Variants in SCARA5 observed in about 807,000 individuals in gnomAD.
SCARA5 encodes the protein scavenger receptor class A, member 5 (putative).
SCARA5 carries 45 observed loss-of-function variants against 46.3 expected under a neutral mutation model. The observed-to-expected ratio is 0.97, with a 90% CI of 0.76 to 1.24. The LOEUF is 1.24. Ranked by LOEUF, SCARA5 falls within the 50% of genes most tolerant of loss-of-function variation. The pLI is 0.00. For missense variants in SCARA5, 680 were observed against 689.0 expected (o/e 0.99, Z 0.15); for synonymous variants, 333 against 306.5 (o/e 1.09, Z -0.90).
chr8:27,978,621 G>A (rs989080875), intron 2 of SCARA5, among the ~76,000 whole-genome samples: 1 of 150,184 alleles, frequency 6.7e-6, no homozygotes, highest in Non-Finnish European at 1.5e-5. Flanking sequence ...GAGATCCTCT[G>A]GCCTCAGCCT....
At chr8:27,968,482 G>T (rs11786033) in intron 2 of SCARA5, among the ~76,000 whole-genome samples, 28,724 of 151,974 alleles carry the variant, frequency 0.19, 2,895 homozygotes, top group East Asian at 0.42. Context: ...CTCTACAAAG[G>T]GTTTTGCTCC....
At chr8:27,909,514 C>T (rs1026069098) in intron 5 of SCARA5, 149 bp downstream of exon 5, 12 of 588,610 alleles carry the variant, frequency 2.0e-5, no homozygotes, top group African/African-American at 1.7e-4. Flanking sequence ...CACCAGCAAC[C>T]TCTTAGTCTC....
intron 3 of SCARA5, among the ~76,000 whole-genome samples, chr8:27,950,436 G>A (rs1224619339): frequency 1.3e-5 from 2 of 151,860 alleles, no homozygotes; most frequent in African/African-American, 4.8e-5. Context: ...AGCCTGCACG[G>A]CCAACTCTAA....
At chr8:27,957,545 G>A (rs1169095910) in intron 3 of SCARA5, among the ~76,000 whole-genome samples, 1 of 152,174 alleles carries the variant, frequency 6.6e-6, no homozygotes, top group Non-Finnish European at 1.5e-5. Context: ...TTTGTACCCT[G>A]GCAGTCTGAC....
At chr8:27,965,080 G>T (rs1320562658) in intron 3 of SCARA5, among the ~76,000 whole-genome samples, 1 of 152,136 alleles carries the variant, frequency 6.6e-6, no homozygotes, top group Non-Finnish European at 1.5e-5. Flanking sequence ...GATGAATAAT[G>T]AGGTTCTCTC....
In SCARA5 at chr8:27,992,640, G is replaced by A. The variant is rs1466500209; in HGVS notation, c.-399C>T. The A allele has an allele frequency of 2.0e-5, 3 of 152,308 alleles. No individual in the cohort carries two copies. The highest frequency in any genetic ancestry group is 4.4e-5 in the Non-Finnish European group (3 of 68,104). The allele number at this position is 152,308 out of a possible 1,614,324, so 9.4% of individuals were successfully genotyped here. A position where few individuals can be genotyped will look rare whatever the true frequency, so the allele number is the denominator to read the frequency against. On this transcript the variant is annotated 5_prime_UTR_variant, in exon 1 of 9. Transcript: ENST00000354914. ...AGCTCCTCTAGGTACTGCCTGAGAT[G>A]CGAACTGCAGCTGCTCTCGCCGCCA...
At chr8:27,891,251 G>A (rs1563514264) in intron 7 of SCARA5, among the ~76,000 whole-genome samples, 1 of 151,112 alleles carries the variant, frequency 6.6e-6, no homozygotes, top group Non-Finnish European at 1.5e-5. Context: ...TGTCATCCAG[G>A]CTGGAGTGCA....
chr8:27,942,629 C>T (rs371872845), intron 3 of SCARA5, among the ~76,000 whole-genome samples: 65 of 152,232 alleles, frequency 4.3e-4, no homozygotes, highest in African/African-American at 1.5e-3. Context: ...TGAGCACCTG[C>T]GTCCACTTCC....
intron 3 of SCARA5, among the ~76,000 whole-genome samples, chr8:27,930,577 T>A (rs1331821684): frequency 6.6e-6 from 1 of 152,104 alleles, no homozygotes; most frequent in Non-Finnish European, 1.5e-5. Flanking sequence ...TAATTTTGTA[T>A]TTTTAGTAGA....
intron 1 of SCARA5, among the ~76,000 whole-genome samples, 180 bp downstream of exon 1, chr8:27,992,077 G>C (rs1002674226): frequency 2.0e-5 from 3 of 152,120 alleles, no homozygotes; most frequent in African/African-American, 4.8e-5. Flanking sequence ...ATGAGGGCCC[G>C]GCAGATATCT....
intron 7 of SCARA5, among the ~76,000 whole-genome samples, chr8:27,899,343 G>C (rs1807113968): frequency 6.6e-6 from 1 of 152,174 alleles, no homozygotes; most frequent in Admixed American, 6.5e-5. Context: ...GTGAGCAGGG[G>C]AAATGAATCT....
At chr8:27,955,695 C>T (rs1402016889) in intron 3 of SCARA5, among the ~76,000 whole-genome samples, 3 of 152,238 alleles carry the variant, frequency 2.0e-5, no homozygotes, top group African/African-American at 7.2e-5. Flanking sequence ...CTTCTGCCTC[C>T]CCCTTTTCCC....
In SCARA5 at chr8:27,904,468, T is replaced by C. The variant is rs1440868099; in HGVS notation, c.1153+310A>G. On this transcript the variant is annotated intron_variant, in intron 7 of 8. Coordinates refer to ENST00000354914, the MANE Select transcript of SCARA5 (RefSeq NM_173833.6). ...AAGGTAAAGACTCCTGTTATCCCTA[T>C]TTTATAGATGAGAACACTGAGGCAC... is the stretch of plus-strand genomic sequence containing the variant. The C allele has an allele frequency of 5.8e-6, 3 of 515,530 alleles. No homozygotes were observed. In the Admixed American group the frequency reaches 9.4e-5, roughly 16 times the overall value. The allele number at this position is 515,530 out of a possible 1,614,324, so 31.9% of individuals were successfully genotyped here.
rs1446501399 is a variant in SCARA5, at chr8:27,966,548, C to A, written c.113-6G>T. 6.2e-7 allele frequency: 1 copy of A among 1,602,286 alleles called. No individual in the cohort carries two copies. Among genetic ancestry groups the A allele is most frequent in the Non-Finnish European group, 8.5e-7 (1 of 1,176,810 alleles). On this transcript the variant is annotated splice_region_variant and splice_polypyrimidine_tract_variant and intron_variant, in intron 2 of 8. Transcript: ENST00000354914. ...CCGCCGTTTGTGACATGGACCTGGA[C>A]AATAAGGGTAAGAGGAGGAAGGAAA...
chr8:27,937,447 G>A (rs377748350), intron 3 of SCARA5, among the ~76,000 whole-genome samples: 23 of 152,284 alleles, frequency 1.5e-4, no homozygotes, highest in African/African-American at 5.3e-4. Context: ...GGGGGCATGA[G>A]GCCCCAGTTG....
intron 2 of SCARA5, among the ~76,000 whole-genome samples, chr8:27,977,618 C>T (rs1379313071): frequency 4.6e-5 from 7 of 152,212 alleles, no homozygotes; most frequent in Non-Finnish European, 1.0e-4. Context: ...CCTTCTAGAA[C>T]TTTCCCTCTC....
intron 7 of SCARA5, 173 bp downstream of exon 7, chr8:27,904,605 A>G (rs1289634728): frequency 1.4e-6 from 1 of 712,274 alleles, no homozygotes. Flanking sequence ...CCTGGGGTCT[A>G]TCAGCATCTC....
At chr8:27,983,194 C>T (rs1428699343) in intron 2 of SCARA5, among the ~76,000 whole-genome samples, 4 of 152,206 alleles carry the variant, frequency 2.6e-5, no homozygotes, top group African/African-American at 9.7e-5. Context: ...GCTACCTTGT[C>T]CAATGGGTGA....
intron 7 of SCARA5, 26 bp downstream of exon 7, chr8:27,904,752 C>T: frequency 1.9e-6 from 3 of 1,606,296 alleles, no homozygotes; most frequent in Non-Finnish European, 2.6e-6. Flanking sequence ...ACACCATATC[C>T]CACGGCCCCA....
Sources: allele counts gnomAD v4.1 joint callset (sites outside exome capture counted in the v4.1 genomes callset), GRCh38; gene constraint gnomAD v4.1.1; transcripts MANE v1.5; gene names NCBI Gene and HGNC (gene_info 2026-07-23, HGNC 2026-07-21).